Variants in CACNB2 observed in about 807,000 individuals in gnomAD.
CACNB2 encodes voltage-dependent L-type calcium channel subunit beta-2.
In CACNB2, 42 loss-of-function variants were observed where a neutral mutation model predicts 73.3. That is an observed-to-expected ratio of 0.57 (90% CI 0.45 to 0.74). The LOEUF is 0.74. CACNB2 is among the 30% of genes least tolerant of loss of function. The pLI is 0.00. For synonymous variants in CACNB2, 348 were observed against 310.3 expected (o/e 1.12, Z -1.28); for missense variants, 940 against 853.0 (o/e 1.10, Z -1.27).
At chr10:18,141,973 A>C (rs2130985643) in intron 1 of CACNB2, among the ~76,000 whole-genome samples, 1 of 152,312 alleles carries the variant, frequency 6.6e-6, no homozygotes, top group South Asian at 2.1e-4. Flanking sequence ...ATTAATACGT[A>C]GACACACATA....
chr10:18,505,837 A>C (rs1406102903), intron 5 of CACNB2, among the ~76,000 whole-genome samples: 1 of 152,228 alleles, frequency 6.6e-6, no homozygotes, highest in Non-Finnish European at 1.5e-5. Context: ...TGATCTTCAA[A>C]TTATTCCTAA....
At chr10:18,238,694 A>G (rs2036539112) in intron 2 of CACNB2, among the ~76,000 whole-genome samples, 1 of 152,182 alleles carries the variant, frequency 6.6e-6, no homozygotes, top group Non-Finnish European at 1.5e-5. Flanking sequence ...TGATCACTCT[A>G]AGAATGACTT....
At chr10:18,431,143 G>A (rs2045870682) in intron 3 of CACNB2, among the ~76,000 whole-genome samples, 1 of 151,826 alleles carries the variant, frequency 6.6e-6, no homozygotes, top group Non-Finnish European at 1.5e-5. Context: ...TACTACATCT[G>A]GCTAATTTTT....
chr10:18,267,369 G>A (rs1292376437), intron 2 of CACNB2, among the ~76,000 whole-genome samples: 1 of 152,188 alleles, frequency 6.6e-6, no homozygotes, highest in Non-Finnish European at 1.5e-5. Flanking sequence ...ACTTTGGGAA[G>A]CCAAGGTGGG....
At chr10:18,535,737 C>A (rs1446012123) in intron 11 of CACNB2, among the ~76,000 whole-genome samples, 1 of 145,816 alleles carries the variant, frequency 6.9e-6, no homozygotes, top group Non-Finnish European at 1.6e-5. Flanking sequence ...CGCACCACTG[C>A]ACTCCAGCCT....
At chr10:18,170,541 T>C (rs555444414) in intron 2 of CACNB2, among the ~76,000 whole-genome samples, 2 of 152,324 alleles carry the variant, frequency 1.3e-5, no homozygotes, top group Admixed American at 6.5e-5. Flanking sequence ...TTCAGAGTCA[T>C]GTGTACTGCC....
rs199821892 is a variant in CACNB2, at chr10:18,217,696, G to A, written c.213+66721G>A. ...AAAATAATCACATGCTTATCTAGGA[G>A]AACATTCCAAGCAGAGAGAACAGCC... On this transcript the variant is annotated intron_variant, in intron 2 of 13. Coordinates refer to ENST00000324631, the MANE Select transcript of CACNB2 (RefSeq NM_201596.3). 8.6e-5 allele frequency among the ~76,000 whole-genome samples: 13 copies of A among 151,542 alleles called. No individual in the cohort carries two copies. The East Asian group carries it at 2.4e-3, about 28-fold the overall frequency.
chr10:18,269,248 TTATCATCCGTCA>T (rs1471477778), intron 2 of CACNB2, among the ~76,000 whole-genome samples: 5 of 152,332 alleles, frequency 3.3e-5, no homozygotes, highest in Admixed American at 2.6e-4. Context: ...GCCTACTGAA[TTATCATCCGTCA>T]CTAAAGATAC....
chr10:18,140,651 C>G lies in CACNB2; in HGVS notation c.-86C>G, dbSNP rs1346718451. 1.8e-5 allele frequency: 22 copies of G among 1,240,460 alleles called. No homozygotes were observed. The highest frequency in any genetic ancestry group is 2.6e-4 in the Middle Eastern group (1 of 3,818). 76.8% of individuals were successfully genotyped at this position (1,240,460 alleles called of 1,614,324 possible). A position where few individuals can be genotyped will look rare whatever the true frequency, so the allele number is the denominator to read the frequency against. On this transcript the variant is annotated 5_prime_UTR_variant, in exon 1 of 14. Transcript: ENST00000324631. ...CTGAGCCCTGGGCGGCCCCCAGAGC[C>G]GATCAGAGCGCGGGGAGGCGGGGGC...
At chr10:18,412,073 G>A (rs2044661542) in intron 3 of CACNB2, among the ~76,000 whole-genome samples, 1 of 152,202 alleles carries the variant, frequency 6.6e-6, no homozygotes, top group Non-Finnish European at 1.5e-5. Context: ...CAGCATGTGT[G>A]TCTCGTTCTC....
At chr10:18,261,061 A>C in intron 2 of CACNB2, 1 of 1,387,570 alleles carries the variant, frequency 7.2e-7, no homozygotes, top group Non-Finnish European at 9.4e-7. Flanking sequence ...CCCCCAAAAA[A>C]AGACAAACAG....
At chr10:18,423,401 T>C (rs1285454878) in intron 3 of CACNB2, among the ~76,000 whole-genome samples, 2 of 152,122 alleles carry the variant, frequency 1.3e-5, no homozygotes, top group Non-Finnish European at 1.5e-5. Context: ...TAGTAGGAGG[T>C]GGTCTCTGCC....
chr10:18,244,770 A>G (rs543319280), intron 2 of CACNB2, among the ~76,000 whole-genome samples: 53 of 152,316 alleles, frequency 3.5e-4, no homozygotes, highest in African/African-American at 1.2e-3. Context: ...ACCTATGAAT[A>G]TGTTACCTTA....
chr10:18,170,291 C>T (rs914063867), intron 2 of CACNB2, among the ~76,000 whole-genome samples: 2 of 152,176 alleles, frequency 1.3e-5, no homozygotes, highest in Non-Finnish European at 2.9e-5. Flanking sequence ...GTCCACTTTA[C>T]AGAATGAATG....
intron 2 of CACNB2, among the ~76,000 whole-genome samples, chr10:18,283,060 A>C (rs186415378): frequency 1.0e-4 from 16 of 152,382 alleles, no homozygotes; most frequent in African/African-American, 3.6e-4. Flanking sequence ...GCCAACAGAC[A>C]CATGAAAAAA....
intron 2 of CACNB2, among the ~76,000 whole-genome samples, chr10:18,313,109 A>G (rs2040022535): frequency 1.3e-5 from 2 of 152,022 alleles, no homozygotes; most frequent in African/African-American, 2.4e-5. Context: ...TAGATAAAGA[A>G]CTGTCCCTAA....
rs775675983 is a variant in CACNB2, at chr10:18,260,769, C to T, written c.213+109794C>T. 488 of 1,002,880 alleles carry T rather than the reference C, an allele frequency of 4.9e-4. 1 individual carries two copies. The highest frequency in any genetic ancestry group is 5.4e-4 in the Non-Finnish European group (452 of 839,958). The allele number at this position is 1,002,880 out of a possible 1,614,324, so 62.1% of individuals were successfully genotyped here. On this transcript the variant is annotated intron_variant, in intron 2 of 13. Transcript: ENST00000324631. ...AGGCGAGCAGCCGCGGGAGCAGGAA[C>T]AGCAGCGTGCTAAGAAGCAGTCACA...
chr10:18,474,749 T>C (rs1184200243), intron 3 of CACNB2, among the ~76,000 whole-genome samples: 3 of 151,930 alleles, frequency 2.0e-5, no homozygotes, highest in Non-Finnish European at 2.9e-5. Context: ...TCTCAATTCT[T>C]CCAACAACAG....
intron 2 of CACNB2, among the ~76,000 whole-genome samples, chr10:18,205,599 A>G (rs948472636): frequency 2.6e-5 from 4 of 152,182 alleles, no homozygotes; most frequent in African/African-American, 9.7e-5. Flanking sequence ...TTAAACAACA[A>G]AATTCTATGC....
Sources: gnomAD v4.1 joint callset for allele counts (sites outside exome capture counted in the v4.1 genomes callset) on GRCh38, gnomAD v4.1.1 for gene constraint, MANE v1.5 for transcripts, NCBI Gene and HGNC (gene_info 2026-07-23, HGNC 2026-07-21) for gene names.